CTNND2: variants seen among roughly 807,000 people sequenced by gnomAD.
CTNND2 encodes catenin delta 2, also known as catenin delta-2.
CTNND2 carries 22 observed loss-of-function variants against 144.4 expected under a neutral mutation model. The observed-to-expected ratio is 0.15, with a 90% CI of 0.11 to 0.22. The LOEUF (loss-of-function observed/expected upper bound fraction) is 0.22, where lower values mean the gene tolerates loss of function less well. Ranked by LOEUF, CTNND2 falls within the 10% of genes least tolerant of loss-of-function variation. The pLI, the probability that CTNND2 is intolerant of heterozygous loss-of-function variation, is 1.00. For missense variants in CTNND2, 1,353 were observed against 1,618.8 expected (o/e 0.84, Z 2.82); for synonymous variants, 751 against 695.6 (o/e 1.08, Z -1.25).
At chr5:11,408,494 T>C (rs1310510010) in intron 5 of CTNND2, among the ~76,000 whole-genome samples, 2 of 152,148 alleles carry the variant, frequency 1.3e-5, no homozygotes, top group Non-Finnish European at 2.9e-5. Flanking sequence ...CATACAACTT[T>C]TGAATGGTAC....
intron 16 of CTNND2, among the ~76,000 whole-genome samples, chr5:11,024,096 C>G (rs975117021): frequency 1.3e-5 from 2 of 152,202 alleles, no homozygotes; most frequent in African/African-American, 4.8e-5. Context: ...TAGTCTTCTT[C>G]TGCTATTTAA....
chr5:11,349,762 T>C (rs930475816), intron 8 of CTNND2, among the ~76,000 whole-genome samples: 1 of 152,222 alleles, frequency 6.6e-6, no homozygotes, highest in African/African-American at 2.4e-5. Flanking sequence ...ACTATTTCTC[T>C]ACTAAAGGTA....
chr5:11,322,809 A>G (rs933334475), intron 9 of CTNND2, among the ~76,000 whole-genome samples: 1 of 152,220 alleles, frequency 6.6e-6, no homozygotes, highest in Non-Finnish European at 1.5e-5. Context: ...TTTTTTAAAT[A>G]AATACATTTA....
chr5:10,983,928 C>A (rs1012436115), intron 20 of CTNND2, among the ~76,000 whole-genome samples: 1 of 152,142 alleles, frequency 6.6e-6, no homozygotes, highest in African/African-American at 2.4e-5. Flanking sequence ...GCTTTGCCGA[C>A]CCTCCTTCCT....
intron 16 of CTNND2, among the ~76,000 whole-genome samples, chr5:11,048,669 G>A (rs1479854008): frequency 1.3e-5 from 2 of 152,166 alleles, no homozygotes; most frequent in African/African-American, 2.4e-5. Flanking sequence ...ATTTGTAGAG[G>A]GTCACAGCAG....
intron 11 of CTNND2, among the ~76,000 whole-genome samples, chr5:11,165,469 T>C (rs1346510165): frequency 6.6e-6 from 1 of 152,240 alleles, no homozygotes; most frequent in Admixed American, 6.5e-5. Context: ...AATGGTTTAA[T>C]ATTTTGGTTG....
intron 1 of CTNND2, among the ~76,000 whole-genome samples, chr5:11,763,801 G>C (rs1789419823): frequency 6.6e-6 from 1 of 152,028 alleles, no homozygotes; most frequent in Admixed American, 6.6e-5. Context: ...TCAGTAGCTG[G>C]TTTCCCTGTT....
chr5:11,397,207 C>A lies in CTNND2; in HGVS notation c.440-4G>T. On this transcript the variant is annotated splice_polypyrimidine_tract_variant and splice_region_variant and intron_variant, in intron 5 of 21. Transcript: ENST00000304623. ...CTCTGGGAGAGCAGGCTGGGCCCTG[C>A]ATTGAAAGTCATTTAGAGCAGTCAG... is the stretch of plus-strand genomic sequence containing the variant. The A allele has an allele frequency of 6.2e-7, 1 of 1,613,090 alleles. No homozygotes were observed. The highest frequency in any genetic ancestry group is 1.3e-5 in the African/African-American group (1 of 75,044).
In CTNND2 at chr5:11,250,455, TGCTCTC is replaced by T. The variant is rs1225935265; in HGVS notation, c.1629-13638_1629-13633del. ...GAAAGTTTGCGGTGAATTTAAAGGGTGCTCTCTCTCTCTCTCTCTCTCTCTCTCTCT... is the reference window on the plus strand; with the variant it reads ...GAAAGTTTGCGGTGAATTTAAAGGGTTCTCTCTCTCTCTCTCTCTCTCTCT... On this transcript the variant is annotated intron_variant, in intron 9 of 21. Coordinates refer to ENST00000304623, the MANE Select transcript of CTNND2 (RefSeq NM_001332.4). 5.5e-5 allele frequency among the ~76,000 whole-genome samples: 4 copies of T among 72,986 alleles called. No homozygotes were observed. In the East Asian group the frequency reaches 1.3e-3, roughly 24 times the overall value. 47.9% of individuals were successfully genotyped at this position (72,986 alleles called of 152,430 possible). A position where few individuals can be genotyped will look rare whatever the true frequency, so the allele number is the denominator to read the frequency against.
At chr5:11,337,414 C>A (rs931931043) in intron 9 of CTNND2, among the ~76,000 whole-genome samples, 1 of 152,148 alleles carries the variant, frequency 6.6e-6, no homozygotes, top group Admixed American at 6.5e-5. Flanking sequence ...GAGAGATTTA[C>A]TTCCCCCACC....
At chr5:11,634,765 G>T (rs914891851) in intron 2 of CTNND2, among the ~76,000 whole-genome samples, 1 of 152,118 alleles carries the variant, frequency 6.6e-6, no homozygotes, top group African/African-American at 2.4e-5. Context: ...GAAAGCAGAA[G>T]AATCTTAGAA....
chr5:11,460,039 T>C (rs1460178110), intron 3 of CTNND2, among the ~76,000 whole-genome samples: 1 of 152,236 alleles, frequency 6.6e-6, no homozygotes, highest in African/African-American at 2.4e-5. Flanking sequence ...GCCTATCATG[T>C]TGACAAGATC....
In CTNND2 at chr5:11,326,043, G is replaced by A. The variant is rs543287065; in HGVS notation, c.1628+20329C>T. ...ATGTTAGCCTATTACACACACATGC[G>A]CCACCTCTTCGTGAATTTTCATAGC... On this transcript the variant is annotated intron_variant, in intron 9 of 21. Transcript: ENST00000304623. Among the ~76,000 whole-genome samples, 64 of 152,220 alleles carry A rather than the reference G, an allele frequency of 4.2e-4. 1 individual carries two copies. Among genetic ancestry groups the A allele is most frequent in the Admixed American group, 9.2e-4 (14 of 15,292 alleles).
At chr5:11,186,027 C>T (rs746499588) in intron 11 of CTNND2, among the ~76,000 whole-genome samples, 2 of 152,222 alleles carry the variant, frequency 1.3e-5, no homozygotes, top group Non-Finnish European at 2.9e-5. Flanking sequence ...ACATTTCAAT[C>T]TCGGCAAATA....
At position 11,110,882 on chromosome 5, in the gene CTNND2, C is replaced by T; in HGVS notation, c.2439G>A (p.Lys813=). 1.2e-6 allele frequency: 2 copies of T among 1,613,248 alleles called. No homozygotes were observed. The highest frequency in any genetic ancestry group is 1.7e-6 in the Non-Finnish European group (2 of 1,179,818). The change falls in exon 14 of 22, where the codon AAG becomes AAA. Residue 813 remains lysine (K), a synonymous_variant. Transcript: ENST00000304623. ...CCTGATCTTGGGATTTCTTTTTCTTCTTCTTCTTGCCCCAGCACCCAGAGC... is the reference window on the plus strand; with the variant it reads ...CCTGATCTTGGGATTTCTTTTTCTTTTTCTTCTTGCCCCAGCACCCAGAGC... ...AESSGCWGKK[K]KKKKSQDQWD...
At chr5:11,728,596 C>G (rs917865178) in intron 2 of CTNND2, among the ~76,000 whole-genome samples, 2 of 152,102 alleles carry the variant, frequency 1.3e-5, no homozygotes, top group African/African-American at 4.8e-5. Flanking sequence ...TCACCAATAT[C>G]CTAAATAATG....
At chr5:11,593,431 G>A (rs1779356698) in intron 2 of CTNND2, among the ~76,000 whole-genome samples, 1 of 152,178 alleles carries the variant, frequency 6.6e-6, no homozygotes. Flanking sequence ...CATGACCCAT[G>A]TGGCCAATAA....
At chr5:11,082,261 T>C (rs1749650326) in intron 16 of CTNND2, among the ~76,000 whole-genome samples, 2 of 152,232 alleles carry the variant, frequency 1.3e-5, no homozygotes, top group Admixed American at 6.5e-5. Context: ...ATTTCTTGAA[T>C]ACCAAATTAA....
intron 18 of CTNND2, among the ~76,000 whole-genome samples, chr5:11,017,161 A>T (rs1376436410): frequency 7.9e-6 from 1 of 126,908 alleles, no homozygotes; most frequent in East Asian, 2.1e-4. Context: ...GGGAAATGTT[A>T]AAAAAAAAAA....
Sources: gnomAD v4.1 joint callset for allele counts (sites outside exome capture counted in the v4.1 genomes callset) on GRCh38, gnomAD v4.1.1 for gene constraint, MANE v1.5 for transcripts, NCBI Gene and HGNC (gene_info 2026-07-23, HGNC 2026-07-21) for gene names.